NUP50: variants seen among roughly 807,000 people sequenced by gnomAD.
NUP50 encodes nucleoporin 50, also known as nuclear pore complex protein Nup50.
In NUP50, 14 loss-of-function variants were observed where a neutral mutation model predicts 36.8. The ratio of observed to expected loss-of-function variants is 0.38; its 90% CI spans 0.25 to 0.59. The LOEUF is 0.59. Among genes scored for constraint, NUP50 ranks in the 20% least tolerant of loss-of-function variants. NUP50 has a pLI of 0.63. For synonymous variants in NUP50, 195 were observed against 210.8 expected (o/e 0.93, Z 0.65); for missense variants, 455 against 564.6 (o/e 0.81, Z 1.97).
In NUP50 at chr22:45,184,617, G is replaced by A. The variant is rs748155873; in HGVS notation, c.1369G>A (p.Glu457Lys). 6.2e-6 allele frequency: 10 copies of A among 1,613,178 alleles called. No individual in the cohort carries two copies. The highest frequency in any genetic ancestry group is 2.2e-5 in the East Asian group (1 of 44,888). ...GGTAAAAACCAGCGAGGATGCAGACGAGTTGCACAAAATTTTACTGGAGAA... is the reference window on the plus strand; with the variant it reads ...GGTAAAAACCAGCGAGGATGCAGACAAGTTGCACAAAATTTTACTGGAGAA... ...IRVKTSEDAD[E>K]LHKILLEKKD... The change falls in exon 8 of 8, where the codon GAG (glutamate) becomes AAG (lysine). Residue 457 changes from glutamate to lysine, a missense_variant. Transcript: ENST00000347635.
intron 6 of NUP50, among the ~76,000 whole-genome samples, chr22:45,182,190 C>T (rs1455199750): frequency 6.6e-6 from 1 of 151,902 alleles, no homozygotes; most frequent in African/African-American, 2.4e-5. Context: ...CCTGTAATCC[C>T]AGCACTTTGG....
chr22:45,182,194 A>G (rs951800916), intron 6 of NUP50, among the ~76,000 whole-genome samples: 34 of 151,936 alleles, frequency 2.2e-4, no homozygotes, highest in African/African-American at 8.2e-4. Context: ...TAATCCCAGC[A>G]CTTTGGGAGG....
rs531246146 is a variant in NUP50, at chr22:45,178,962, C to T, written c.1003+62C>T. The T allele has an allele frequency of 5.1e-5, 75 of 1,484,438 alleles. No individual in the cohort carries two copies. In the African/African-American group the frequency reaches 7.0e-4, roughly 14 times the overall value. The allele number at this position is 1,484,438 out of a possible 1,614,324, so 92.0% of individuals were successfully genotyped here. ...TAAGATTCTTGTTTCTTGGGAAACC[C>T]AGAGACTTTGATTCCAAATATGAGT... On this transcript the variant is annotated intron_variant, in intron 5 of 7. Transcript: ENST00000347635.
At chr22:45,172,734 TAAGG>T (rs1301950395) in intron 3 of NUP50, among the ~76,000 whole-genome samples, 1 of 152,052 alleles carries the variant, frequency 6.6e-6, no homozygotes, top group Non-Finnish European at 1.5e-5. Context: ...TTTGAAAACG[TAAGG>T]AAGGGAGCCA....
chr22:45,172,470 A>C (rs907812836), intron 3 of NUP50, among the ~76,000 whole-genome samples: 2 of 152,166 alleles, frequency 1.3e-5, no homozygotes, highest in Non-Finnish European at 2.9e-5. Context: ...CCAAGGAAAT[A>C]GTCATTGGAG....
intron 3 of NUP50, 22 bp from the exon 4 acceptor site, chr22:45,175,872 G>A (rs776989761): frequency 4.3e-6 from 7 of 1,612,986 alleles, no homozygotes; most frequent in Non-Finnish European, 5.9e-6. Flanking sequence ...TACCTAATGT[G>A]TGCTCCTCCT....
chr22:45,179,775 A>C (rs1439204943), intron 5 of NUP50, among the ~76,000 whole-genome samples: 1 of 151,854 alleles, frequency 6.6e-6, no homozygotes, highest in South Asian at 2.1e-4. Context: ...AGTCACAGCT[A>C]CTCTAGAGGC....
At chr22:45,182,689 A>C (rs940946106) in intron 6 of NUP50, among the ~76,000 whole-genome samples, 1 of 138,792 alleles carries the variant, frequency 7.2e-6, no homozygotes, top group Non-Finnish European at 1.5e-5. Flanking sequence ...CAGTGGCACA[A>C]TCTCGGCTCA....
chr22:45,171,266 G>A lies in NUP50; in HGVS notation c.70-334G>A, dbSNP rs955719608. ...GGCTGGAGTGCAGTGGTGCTATCTC[G>A]GCTCACTGCAACCTCCACCTCCCGG... On this transcript the variant is annotated intron_variant, in intron 2 of 7. Transcript: ENST00000347635. 1.5e-5 allele frequency: 13 copies of A among 848,324 alleles called. 1 individual carries two copies. The highest frequency in any genetic ancestry group is 7.1e-5 in the East Asian group (1 of 14,174). The allele number at this position is 848,324 out of a possible 1,614,324, so 52.5% of individuals were successfully genotyped here. A position where few individuals can be genotyped will look rare whatever the true frequency, so the allele number is the denominator to read the frequency against.
chr22:45,171,519 T>C, intron 2 of NUP50, 81 bp from the exon 3 acceptor site: 1 of 1,303,142 alleles, frequency 7.7e-7, no homozygotes, highest in South Asian at 1.2e-5. Context: ...AGTGGCTCAG[T>C]TCTAGCTTGT....
intron 2 of NUP50, among the ~76,000 whole-genome samples, chr22:45,168,845 T>G (rs1045772528): frequency 7.2e-5 from 11 of 152,084 alleles, no homozygotes; most frequent in Non-Finnish European, 1.6e-4. Context: ...CATTTTTCCC[T>G]TATAAACAGT....
intron 4 of NUP50, among the ~76,000 whole-genome samples, chr22:45,176,375 G>C (rs542180110): frequency 5.3e-5 from 8 of 152,322 alleles, no homozygotes; most frequent in African/African-American, 1.7e-4. Context: ...GTGGCCCTCA[G>C]AATTGACCTA....
At chr22:45,180,830 C>G (rs926957287) in intron 5 of NUP50, among the ~76,000 whole-genome samples, 1 of 144,538 alleles carries the variant, frequency 6.9e-6, no homozygotes, top group Non-Finnish European at 1.5e-5. Flanking sequence ...TTTCTGACAA[C>G]TTGTCCCCTG....
chr22:45,183,279 C>G lies in NUP50; in HGVS notation c.1086-123C>G, dbSNP rs191619998. 99 of 630,690 alleles carry G rather than the reference C, an allele frequency of 1.6e-4. No individual in the cohort carries two copies. In the African/African-American group the frequency reaches 1.7e-3, roughly 11 times the overall value. The allele number at this position is 630,690 out of a possible 1,614,324, so 39.1% of individuals were successfully genotyped here. A position where few individuals can be genotyped will look rare whatever the true frequency, so the allele number is the denominator to read the frequency against. On this transcript the variant is annotated intron_variant, in intron 6 of 7. Transcript: ENST00000347635. ...TGTTTGGATCAATTAAAGATTTATC[C>G]TGAAGCTTCCTGTACTCATTTAATA...
At position 45,182,090 on chromosome 22, in the gene NUP50, A is replaced by G. The variant is rs537107913; in HGVS notation, c.1085+723A>G. ...ACAATTTCTTCTGTGTTTAAATTTC[A>G]TTACTCACATGACATAAAGGAGTGA... On this transcript the variant is annotated intron_variant, in intron 6 of 7. Coordinates refer to ENST00000347635, the MANE Select transcript of NUP50 (RefSeq NM_007172.4). Among the ~76,000 whole-genome samples the G allele has an allele frequency of 2.0e-4, 30 of 151,852 alleles. 1 individual carries two copies. The highest frequency in any genetic ancestry group is 3.1e-4 in the Non-Finnish European group (21 of 67,988).
At chr22:45,180,887 TTGTAGA>T (rs1397398008) in intron 5 of NUP50, among the ~76,000 whole-genome samples, 5 of 152,082 alleles carry the variant, frequency 3.3e-5, no homozygotes, top group South Asian at 4.1e-4. Flanking sequence ...TTACTGATAC[TTGTAGA>T]TGTAGTCACA....
rs2074462022 is a variant in NUP50, at chr22:45,185,838, C to T, written c.*1183C>T. 1 of 140,374 alleles carries T rather than the reference C, an allele frequency of 7.1e-6. No homozygotes were observed. The highest frequency in any genetic ancestry group is 7.2e-5 in the Admixed American group (1 of 13,858). The allele number at this position is 140,374 out of a possible 1,614,324, so 8.7% of individuals were successfully genotyped here. On this transcript the variant is annotated 3_prime_UTR_variant, in exon 8 of 8. Coordinates refer to ENST00000347635, the MANE Select transcript of NUP50 (RefSeq NM_007172.4). ...GAAGACTCTGGGCACATGAATGATA[C>T]ACAGAATTGAATGTTTAAATTTCCA...
chr22:45,183,309 T>C, intron 6 of NUP50, 93 bp from the exon 7 acceptor site: 1 of 742,896 alleles, frequency 1.3e-6, no homozygotes, highest in South Asian at 1.7e-5. Context: ...TTAATAGAGA[T>C]TTTCCACACA....
intron 2 of NUP50, among the ~76,000 whole-genome samples, chr22:45,170,799 G>T (rs533320118): frequency 3.9e-5 from 6 of 152,326 alleles, no homozygotes; most frequent in African/African-American, 1.4e-4. Context: ...AGGAATGAAA[G>T]AACTCCCATT....
Sources: gnomAD v4.1 joint callset for allele counts (sites outside exome capture counted in the v4.1 genomes callset) on GRCh38, gnomAD v4.1.1 for gene constraint, MANE v1.5 for transcripts, NCBI Gene and HGNC (gene_info 2026-07-23, HGNC 2026-07-21) for gene names.